The following LTBP1 variants were observed in gnomAD, a reference collection of about 807,000 sequenced individuals.
The protein encoded by LTBP1 is latent-transforming growth factor beta-binding protein 1.
LTBP1 carries 129 observed loss-of-function variants against 207.6 expected under a neutral mutation model. That is an observed-to-expected ratio of 0.62 (90% CI 0.54 to 0.72). The LOEUF is 0.72. Among genes scored for constraint, LTBP1 ranks in the 30% least tolerant of loss-of-function variants. The pLI, the probability that LTBP1 is intolerant of heterozygous loss-of-function variation, is 0.00. For synonymous variants in LTBP1, 963 were observed against 833.7 expected (o/e 1.16, Z -2.67); for missense variants, 2,281 against 2,217.2 (o/e 1.03, Z -0.58).
At chr2:33,344,805 G>A (rs1241902898) in intron 25 of LTBP1, among the ~76,000 whole-genome samples, 2 of 152,080 alleles carry the variant, frequency 1.3e-5, no homozygotes, top group African/African-American at 4.8e-5. Flanking sequence ...GCTTATTATA[G>A]GTGCTCAGTA....
At chr2:33,070,843 G>A (rs1427623649) in intron 3 of LTBP1, among the ~76,000 whole-genome samples, 1 of 152,166 alleles carries the variant, frequency 6.6e-6, no homozygotes, top group African/African-American at 2.4e-5. Flanking sequence ...TTAGTAGTCA[G>A]GGGAATAGGG....
intron 5 of LTBP1, among the ~76,000 whole-genome samples, chr2:33,163,373 G>GTGGTAA (rs1233994804): frequency 1.3e-5 from 2 of 152,146 alleles, no homozygotes; most frequent in Non-Finnish European, 2.9e-5. Context: ...AAATTATTCT[G>GTGGTAA]GACATGATAT....
At chr2:33,319,140 G>A (rs1380473137) in intron 24 of LTBP1, among the ~76,000 whole-genome samples, 1 of 152,182 alleles carries the variant, frequency 6.6e-6, no homozygotes, top group East Asian at 1.9e-4. Flanking sequence ...GTTCACGCCT[G>A]TAATCCCAGC....
intron 5 of LTBP1, among the ~76,000 whole-genome samples, chr2:33,181,053 C>T (rs2086577554): frequency 6.6e-6 from 1 of 152,062 alleles, no homozygotes; most frequent in Non-Finnish European, 1.5e-5. Flanking sequence ...GTTTGTTTTC[C>T]CTGCTCTGCC....
intron 2 of LTBP1, among the ~76,000 whole-genome samples, chr2:33,015,584 A>G (rs1688261610): frequency 7.4e-6 from 1 of 135,552 alleles, no homozygotes; most frequent in African/African-American, 2.7e-5. Context: ...TGGAATGTGA[A>G]TGATGACAGT....
chr2:33,277,220 C>T lies in LTBP1; in HGVS notation c.2992+1297C>T, dbSNP rs189679268. Among the ~76,000 whole-genome samples the T allele has an allele frequency of 3.0e-3, 451 of 152,294 alleles. 2 individuals carry two copies. The highest frequency in any genetic ancestry group is 0.01 in the African/African-American group (428 of 41,552). The stretch of plus-strand genomic sequence containing the variant: ...CTTGCCCCTCCTGCTGGTGTCTTGC[C>T]TCTGCCCCTTGGGTTCTAATCTAGA... On this transcript the variant is annotated intron_variant, in intron 18 of 33. Transcript: ENST00000404816.
At chr2:33,224,318 A>C (rs1327963516) in intron 9 of LTBP1, among the ~76,000 whole-genome samples, 2 of 152,182 alleles carry the variant, frequency 1.3e-5, no homozygotes, top group Admixed American at 1.3e-4. Context: ...ATCCTTCACT[A>C]ATCCAATCCT....
rs1425477227 is a variant in LTBP1 at position 33,275,877 on chromosome 2, A to G, written c.2946A>G (p.Glu982=). 1.1e-5 allele frequency: 18 copies of G among 1,611,140 alleles called. No homozygotes were observed. The highest frequency in any genetic ancestry group is 2.7e-5 in the African/African-American group (2 of 74,896). ...CVNTVGAFRC[E]YCDSGYRMTQ... ...ATACTGTGGGGGCCTTCCGGTGTGA[A>G]TACTGTGACAGCGGGTACCGCATGA... The change falls in exon 18 of 34, where the codon GAA becomes GAG. Residue 982 remains glutamate (E), a synonymous_variant. Transcript: ENST00000404816.
chr2:33,265,926 A>G (rs1047972277), intron 15 of LTBP1, among the ~76,000 whole-genome samples: 3 of 152,184 alleles, frequency 2.0e-5, no homozygotes, highest in African/African-American at 7.2e-5. Context: ...CCTCAGAAAC[A>G]TGTTATGGTT....
intron 3 of LTBP1, among the ~76,000 whole-genome samples, chr2:33,040,546 C>T (rs749670157): frequency 4.6e-5 from 7 of 152,328 alleles, no homozygotes; most frequent in Non-Finnish European, 8.8e-5. Flanking sequence ...TTGGTAAACA[C>T]GTTCATCTAC....
chr2:33,092,388 G>A (rs2079149995), intron 3 of LTBP1, among the ~76,000 whole-genome samples: 1 of 152,226 alleles, frequency 6.6e-6, no homozygotes, highest in Non-Finnish European at 1.5e-5. Context: ...TGAAAAGATA[G>A]TCTTGTGTTA....
intron 19 of LTBP1, among the ~76,000 whole-genome samples, chr2:33,280,386 T>C (rs2093536042): frequency 6.6e-6 from 1 of 152,156 alleles, no homozygotes; most frequent in Non-Finnish European, 1.5e-5. Flanking sequence ...TGAAACAAAC[T>C]GATATTCCTA....
intron 3 of LTBP1, among the ~76,000 whole-genome samples, chr2:33,050,955 C>G (rs367580049): frequency 4.6e-4 from 70 of 152,088 alleles, no homozygotes; most frequent in African/African-American, 1.6e-3. Context: ...GAACTCCTGA[C>G]CTTGTGATCC....
intron 18 of LTBP1, among the ~76,000 whole-genome samples, chr2:33,278,491 T>G (rs1297691438): frequency 6.6e-6 from 1 of 152,208 alleles, no homozygotes; most frequent in Non-Finnish European, 1.5e-5. Flanking sequence ...ATAGCACCAG[T>G]CTCCAAGGAG....
intron 2 of LTBP1, among the ~76,000 whole-genome samples, chr2:32,951,509 C>T (rs1412463021): frequency 2.6e-5 from 4 of 152,132 alleles, no homozygotes; most frequent in African/African-American, 9.7e-5. Context: ...ATGCTATAAA[C>T]CTTGTGTCCA....
intron 3 of LTBP1, among the ~76,000 whole-genome samples, chr2:33,023,747 T>C (rs1179200110): frequency 1.3e-5 from 2 of 152,208 alleles, no homozygotes; most frequent in Admixed American, 6.5e-5. Context: ...ACAAATGAGC[T>C]ATACAAAGGA....
intron 26 of LTBP1, among the ~76,000 whole-genome samples, chr2:33,355,946 TC>T (rs1461105513): frequency 1.3e-5 from 2 of 150,346 alleles, no homozygotes; most frequent in African/African-American, 4.9e-5. Flanking sequence ...CTTTTTTTTT[TC>T]TAAACTTCAC....
intron 9 of LTBP1, among the ~76,000 whole-genome samples, chr2:33,225,156 A>C (rs1472124467): frequency 2.0e-5 from 3 of 152,174 alleles, no homozygotes; most frequent in Non-Finnish European, 2.9e-5. Context: ...ATAATTGTAC[A>C]TATTTATGGG....
intron 3 of LTBP1, among the ~76,000 whole-genome samples, chr2:33,049,001 C>T (rs1484395804): frequency 2.6e-5 from 4 of 152,138 alleles, no homozygotes; most frequent in Non-Finnish European, 5.9e-5. Context: ...AGTTAATACT[C>T]ATAATCTGTC....
Sources: allele counts gnomAD v4.1 joint callset (sites outside exome capture counted in the v4.1 genomes callset), GRCh38; gene constraint gnomAD v4.1.1; transcripts MANE v1.5; gene names NCBI Gene and HGNC (gene_info 2026-07-23, HGNC 2026-07-21).